Variants in DYNC1I1 observed in about 807,000 individuals in gnomAD.
DYNC1I1 encodes dynein cytoplasmic 1 intermediate chain 1.
A neutral mutation model predicts 86.6 loss-of-function variants in DYNC1I1; 43 were observed. That is an observed-to-expected ratio of 0.50 (90% CI 0.39 to 0.64). The LOEUF is 0.64. DYNC1I1 is among the 30% of genes least tolerant of loss of function. DYNC1I1 has a pLI of 0.00. For synonymous variants in DYNC1I1, 262 were observed against 283.7 expected, an observed-to-expected ratio of 0.92 and a Z score of 0.77; for missense variants, 604 against 788.8, an observed-to-expected ratio of 0.77 and a Z score of 2.81.
rs756608245 is a variant in DYNC1I1 at position 96,095,831 on chromosome 7, G to GA, written c.1777-1644dup. On this transcript the variant is annotated intron_variant, in intron 16 of 16. Transcript: ENST00000447467. ...AGGTGGAGTATTTTCTAAAATTGAA[G>GA]AAAAAAAATGAAGAATCGTGGAATA... Among the ~76,000 whole-genome samples the GA allele has an allele frequency of 5.3e-5, 8 of 151,598 alleles. No individual in the cohort carries two copies. In the East Asian group the frequency reaches 5.8e-4, roughly 11 times the overall value.
intron 10 of DYNC1I1, among the ~76,000 whole-genome samples, chr7:95,998,482 T>A (rs758132069): frequency 2.0e-5 from 3 of 152,252 alleles, no homozygotes; most frequent in Non-Finnish European, 2.9e-5. Flanking sequence ...AACCAAAGCC[T>A]TCACTCACTG....
chr7:96,022,024 G>T (rs932789393), intron 10 of DYNC1I1, among the ~76,000 whole-genome samples: 3 of 152,110 alleles, frequency 2.0e-5, no homozygotes, highest in Non-Finnish European at 4.4e-5. Context: ...TATATACCTA[G>T]GAGTGGAATT....
intron 5 of DYNC1I1, among the ~76,000 whole-genome samples, chr7:95,850,559 A>G (rs1351755775): frequency 6.6e-6 from 1 of 152,206 alleles, no homozygotes; most frequent in Admixed American, 6.5e-5. Context: ...GATAGTACTG[A>G]GCCCAATTAC....
At chr7:96,048,290 T>C (rs545959716) in intron 14 of DYNC1I1, among the ~76,000 whole-genome samples, 5 of 152,282 alleles carry the variant, frequency 3.3e-5, no homozygotes, top group South Asian at 2.1e-4. Context: ...GTGGAATCTC[T>C]TACAGGAATC....
At chr7:96,016,230 C>T (rs1045445816) in intron 10 of DYNC1I1, among the ~76,000 whole-genome samples, 4 of 151,550 alleles carry the variant, frequency 2.6e-5, no homozygotes, top group Admixed American at 6.6e-5. Flanking sequence ...TGTGTACTGT[C>T]ACAGCTGGCA....
In DYNC1I1 at chr7:96,061,736, G is replaced by A. The variant is rs200070935; in HGVS notation, c.1510-14321G>A. Among the ~76,000 whole-genome samples, 105 of 83,828 alleles carry A rather than the reference G, an allele frequency of 1.3e-3. 1 individual carries two copies. Among genetic ancestry groups the A allele is most frequent in the South Asian group, 0.01 (23 of 2,234 alleles). The allele number at this position is 83,828 out of a possible 152,430, so 55.0% of individuals were successfully genotyped here. ...CTCACACACACACACACACACACACGCACACAAACACACACACACACACAC... is the reference window on the plus strand; with the variant it reads ...CTCACACACACACACACACACACACACACACAAACACACACACACACACAC... On this transcript the variant is annotated intron_variant, in intron 14 of 16. Coordinates refer to ENST00000447467, the MANE Select transcript of DYNC1I1 (RefSeq NM_001135556.2).
At chr7:95,946,377 T>A (rs1792401425) in intron 6 of DYNC1I1, among the ~76,000 whole-genome samples, 1 of 152,184 alleles carries the variant, frequency 6.6e-6, no homozygotes, top group South Asian at 2.1e-4. Context: ...ATTTAGATTG[T>A]TTAATCTTCA....
intron 6 of DYNC1I1, among the ~76,000 whole-genome samples, chr7:95,886,749 A>G (rs559015973): frequency 1.3e-5 from 2 of 152,366 alleles, no homozygotes; most frequent in East Asian, 3.9e-4. Context: ...ATTCCAGACA[A>G]TGGAAACACA....
intron 10 of DYNC1I1, among the ~76,000 whole-genome samples, chr7:96,015,823 G>A (rs192998318): frequency 6.6e-6 from 1 of 152,090 alleles, no homozygotes; most frequent in East Asian, 1.9e-4. Context: ...AGTGAGATTT[G>A]GGATTGGTTA....
chr7:95,775,281 T>C (rs1584207864), intron 1 of DYNC1I1, among the ~76,000 whole-genome samples: 2 of 152,344 alleles, frequency 1.3e-5, no homozygotes, highest in East Asian at 3.8e-4. Context: ...ACTGGTTAAT[T>C]TTCATATATT....
At chr7:95,816,602 G>C (rs1375157371) in intron 4 of DYNC1I1, among the ~76,000 whole-genome samples, 3 of 152,082 alleles carry the variant, frequency 2.0e-5, no homozygotes, top group African/African-American at 7.2e-5. Flanking sequence ...GATTTTAAGA[G>C]CTTGTTGAAA....
intron 15 of DYNC1I1, 124 bp from the exon 16 acceptor site, chr7:96,080,239 A>T (rs1790472413): frequency 1.6e-6 from 2 of 1,229,150 alleles, no homozygotes; most frequent in South Asian, 1.9e-5. Context: ...GGCACAAGGG[A>T]TGTGTATTAC....
At chr7:95,976,628 AT>A (rs1793309837) in intron 6 of DYNC1I1, among the ~76,000 whole-genome samples, 1 of 152,228 alleles carries the variant, frequency 6.6e-6, no homozygotes, top group South Asian at 2.1e-4. Flanking sequence ...CTTTGAACCA[AT>A]GAAATCAATA....
chr7:95,874,603 C>G (rs1790255998), intron 6 of DYNC1I1, among the ~76,000 whole-genome samples: 1 of 151,694 alleles, frequency 6.6e-6, no homozygotes, highest in Non-Finnish European at 1.5e-5. Flanking sequence ...TAAATGAAGT[C>G]ATAAGGGTAG....
chr7:95,956,222 T>C (rs763929473), intron 6 of DYNC1I1, among the ~76,000 whole-genome samples: 20 of 152,008 alleles, frequency 1.3e-4, no homozygotes, highest in Middle Eastern at 3.2e-3. Context: ...CACGTGTATG[T>C]GGAGTTGCTA....
intron 16 of DYNC1I1, among the ~76,000 whole-genome samples, chr7:96,096,526 A>AT (rs967005734): frequency 3.3e-5 from 5 of 151,468 alleles, no homozygotes; most frequent in South Asian, 2.1e-4. Context: ...TCATCCTCAA[A>AT]TTTTTTTTTC....
intron 3 of DYNC1I1, among the ~76,000 whole-genome samples, chr7:95,811,911 C>A (rs1339040396): frequency 6.6e-6 from 1 of 152,084 alleles, no homozygotes; most frequent in African/African-American, 2.4e-5. Context: ...ATAGTATGTC[C>A]TAGTCTCCCC....
intron 14 of DYNC1I1, among the ~76,000 whole-genome samples, chr7:96,052,419 T>G (rs1789431744): frequency 6.6e-6 from 1 of 152,116 alleles, no homozygotes; most frequent in African/African-American, 2.4e-5. Context: ...ACACATGAGA[T>G]AGTTAGTACT....
chr7:95,792,291 G>A (rs575718192), intron 1 of DYNC1I1, among the ~76,000 whole-genome samples: 1 of 152,218 alleles, frequency 6.6e-6, no homozygotes, highest in Admixed American at 6.5e-5. Context: ...ATTTAGACAT[G>A]GTACCCCAAA....
Sources: gnomAD v4.1 joint callset for allele counts (sites outside exome capture counted in the v4.1 genomes callset) on GRCh38, gnomAD v4.1.1 for gene constraint, MANE v1.5 for transcripts, NCBI Gene and HGNC (gene_info 2026-07-23, HGNC 2026-07-21) for gene names.